Variants in RNF128 observed in about 807,000 individuals in gnomAD.
The protein encoded by RNF128 is ring finger protein 128.
Under a neutral mutation model 26.2 loss-of-function variants are expected in RNF128, and 13 were observed. The ratio of observed to expected loss-of-function variants is 0.50; its 90% CI spans 0.32 to 0.79. The LOEUF (loss-of-function observed/expected upper bound fraction) is 0.79, where lower values mean the gene tolerates loss of function less well. Among genes scored for constraint, RNF128 ranks in the 30% least tolerant of loss-of-function variants. RNF128 has a pLI of 0.03. For synonymous variants in RNF128, 149 were observed against 142.5 expected, an observed-to-expected ratio of 1.05 and a Z score of -0.32; for missense variants, 315 against 349.7, an observed-to-expected ratio of 0.90 and a Z score of 0.79.
intron 1 of RNF128, among the ~76,000 whole-genome samples, chrX:106,754,193 T>G: frequency 9.0e-6 from 1 of 111,511 alleles, no homozygotes; most frequent in Non-Finnish European, 1.9e-5. Context: ...ATAAACCATA[T>G]GTTAAGTCAT....
chrX:106,795,847 G>T lies in RNF128; in HGVS notation c.*134G>T. On this transcript the variant is annotated 3_prime_UTR_variant, in exon 7 of 7. Coordinates refer to ENST00000255499, the MANE Select transcript of RNF128 (RefSeq NM_194463.2). ...AAAGTGCTCAGATGACTAATATTAT[G>T]CTATAGTTAAATGGCTTAAAATATT... 4 of 469,057 alleles carry T rather than the reference G, an allele frequency of 8.5e-6. No homozygotes were observed. Among genetic ancestry groups the T allele is most frequent in the Non-Finnish European group, 1.3e-5 (4 of 305,585 alleles). The allele number at this position is 469,057 out of a possible 1,213,427, so 38.7% of individuals were successfully genotyped here.
At chrX:106,735,362 T>C (rs1929577579) in intron 1 of RNF128, among the ~76,000 whole-genome samples, 1 of 111,725 alleles carries the variant, frequency 9.0e-6, no homozygotes, top group Non-Finnish European at 1.9e-5. Flanking sequence ...TATGTTTCTC[T>C]TTAAATGTTA....
At chrX:106,704,616 G>A (rs1318377057) in intron 1 of RNF128, among the ~76,000 whole-genome samples, 2 of 110,700 alleles carry the variant, frequency 1.8e-5, no homozygotes, top group Non-Finnish European at 3.8e-5. Context: ...GAAGCACAGG[G>A]AACCCACAGT....
At chrX:106,767,662 A>T (rs975780953) in intron 1 of RNF128, among the ~76,000 whole-genome samples, 1 of 111,650 alleles carries the variant, frequency 9.0e-6, no homozygotes, top group African/African-American at 3.3e-5. Context: ...ATCTGCAAAT[A>T]GGGACAATTT....
At chrX:106,749,348 G>A (rs188447263) in intron 1 of RNF128, among the ~76,000 whole-genome samples, 3 of 111,816 alleles carry the variant, frequency 2.7e-5, no homozygotes, top group Admixed American at 1.9e-4. Flanking sequence ...ATTCGCTGGC[G>A]CATTATAAGA....
At chrX:106,750,489 C>T (rs947801413) in intron 1 of RNF128, among the ~76,000 whole-genome samples, 4 of 111,213 alleles carry the variant, frequency 3.6e-5, no homozygotes, top group African/African-American at 6.5e-5. Flanking sequence ...ATAGGGTTGA[C>T]GTGAGGATTA....
intron 6 of RNF128, among the ~76,000 whole-genome samples, 167 bp downstream of exon 6, chrX:106,791,401 A>G (rs897652549): frequency 9.0e-6 from 1 of 111,466 alleles, no homozygotes; most frequent in Admixed American, 9.6e-5. Flanking sequence ...CTTAATATAC[A>G]TATATTCAAA....
chrX:106,698,741 T>C (rs753442150), intron 1 of RNF128, among the ~76,000 whole-genome samples: 1 of 111,511 alleles, frequency 9.0e-6, no homozygotes, highest in South Asian at 3.9e-4. Flanking sequence ...AAAGTGGCTT[T>C]TTAGAGAAAA....
chrX:106,761,079 C>G (rs1930113437), intron 1 of RNF128, among the ~76,000 whole-genome samples: 1 of 111,423 alleles, frequency 9.0e-6, no homozygotes, highest in Admixed American at 9.5e-5. Flanking sequence ...AAGCAAAAAT[C>G]CAACAACCCC....
intron 1 of RNF128, among the ~76,000 whole-genome samples, chrX:106,727,624 G>A (rs1308974400): frequency 9.0e-6 from 1 of 110,521 alleles, no homozygotes; most frequent in Non-Finnish European, 1.9e-5. Context: ...AAAACAAACC[G>A]GGTGCAGAGG....
chrX:106,711,970 G>A (rs912526544), intron 1 of RNF128, among the ~76,000 whole-genome samples: 2 of 112,247 alleles, frequency 1.8e-5, no homozygotes, highest in African/African-American at 6.5e-5. Context: ...TAAGTTCATA[G>A]AATCTCTTTA....
intron 2 of RNF128, among the ~76,000 whole-genome samples, chrX:106,784,114 T>C (rs750702545): frequency 8.9e-6 from 1 of 112,167 alleles, no homozygotes; most frequent in East Asian, 2.8e-4. Context: ...TCAATTCATA[T>C]GTATATTATA....
rs769485335 is a variant in RNF128 at position 106,786,356 on chromosome X, G to GGGCTATCCATAT, written c.804+1221_804+1222insGCTATCCATATG. ...CTTTTCAGGAGGATAGCCCTTTGTT[G>GGGCTATCCATAT]GCTATCCATATGCAGTGATTGGATA... On this transcript the variant is annotated intron_variant, in intron 3 of 6. Transcript: ENST00000255499. Among the ~76,000 whole-genome samples the GGGCTATCCATAT allele has an allele frequency of 6.3e-3, 700 of 111,121 alleles. 3 individuals are homozygous for GGGCTATCCATAT. The highest frequency in any genetic ancestry group is 0.01 in the Non-Finnish European group (532 of 52,797).
chrX:106,769,278 A>T (rs5962745), intron 1 of RNF128, among the ~76,000 whole-genome samples: 6,459 of 110,486 alleles, frequency 0.058, 495 homozygotes, highest in African/African-American at 0.2. Context: ...TTGTTAACTT[A>T]CTGTCTCGTT....
Position 106,787,927 on chromosome X carries a change from C to T in RNF128, c.814C>T (p.Pro272Ser). ...TLKQGDKEIG[P>S]DGDSCAVCIE... ...AACTACTTGCTTGTAGGAAATTGGC[C>T]CTGATGGAGATAGTTGTGCTGTGTG... The change falls in exon 4 of 7, where the codon CCT (proline) becomes TCT (serine). Residue 272 changes from proline (P) to serine (S), a missense_variant. Pro to Ser is a moderately conservative substitution (Grantham distance 74, BLOSUM62 -1). Transcript: ENST00000255499. The T allele has an allele frequency of 8.4e-7, 1 of 1,186,593 alleles. No homozygotes were observed. The highest frequency in any genetic ancestry group is 1.8e-5 in the African/African-American group (1 of 56,049).
At chrX:106,720,350 C>G (rs1352155832) in intron 1 of RNF128, among the ~76,000 whole-genome samples, 3 of 111,466 alleles carry the variant, frequency 2.7e-5, no homozygotes, top group East Asian at 5.6e-4. Flanking sequence ...TCCACCAACA[C>G]AATTTCTTTC....
intron 1 of RNF128, among the ~76,000 whole-genome samples, chrX:106,764,259 C>T (rs912228495): frequency 9.0e-6 from 1 of 110,994 alleles, no homozygotes; most frequent in Admixed American, 9.6e-5. Context: ...GCCACCACGC[C>T]CGGCCTTGTT....
intron 1 of RNF128, among the ~76,000 whole-genome samples, chrX:106,705,729 T>TA (rs1306860967): frequency 4.5e-5 from 5 of 112,004 alleles, no homozygotes; most frequent in African/African-American, 6.5e-5. Context: ...TCAGTTAACT[T>TA]ATGTATAGCA....
rs545432689 is a variant in RNF128, at chrX:106,749,071, A to G, written c.484+21674A>G. 1.5e-4 allele frequency among the ~76,000 whole-genome samples: 17 copies of G among 111,954 alleles called. 1 individual carries two copies. Among genetic ancestry groups the G allele is most frequent in the African/African-American group, 5.2e-4 (16 of 30,920 alleles). On this transcript the variant is annotated intron_variant, in intron 1 of 6. Coordinates refer to ENST00000255499, the MANE Select transcript of RNF128 (RefSeq NM_194463.2). Reference sequence around the variant, plus strand: ...CAGGCAAAAGATGATATTTTAATCTATCTTTGAAAAAAATGCCATCCTTCA... The same window carrying G: ...CAGGCAAAAGATGATATTTTAATCTGTCTTTGAAAAAAATGCCATCCTTCA...
Sources: gnomAD v4.1 joint callset for allele counts (sites outside exome capture counted in the v4.1 genomes callset) on GRCh38, gnomAD v4.1.1 for gene constraint, MANE v1.5 for transcripts, NCBI Gene and HGNC (gene_info 2026-07-23, HGNC 2026-07-21) for gene names.